GSE1: variants seen among roughly 807,000 people sequenced by gnomAD.
GSE1 encodes Gse1 coiled-coil protein.
GSE1 carries 32 observed loss-of-function variants against 112.6 expected under a neutral mutation model. The ratio of observed to expected loss-of-function variants is 0.28; its 90% CI spans 0.21 to 0.38. The LOEUF (loss-of-function observed/expected upper bound fraction) is 0.38. Ranked by LOEUF, GSE1 falls within the 10% of genes least tolerant of loss-of-function variation. The pLI is 1.00. For missense variants in GSE1, 2,348 were observed against 1,699.2 expected (o/e 1.38, Z -6.71); for synonymous variants, 1,115 against 735.6 (o/e 1.52, Z -8.35).
At chr16:85,553,624 C>T (rs1251799036), upstream of GSE1, among the ~76,000 whole-genome samples, 1 of 151,974 alleles carries the variant, frequency 6.6e-6, no homozygotes, top group Non-Finnish European at 1.5e-5. Context: ...AGGCGGCCGC[C>T]AGCACGCCGC....
intron 2 of GSE1, among the ~76,000 whole-genome samples, chr16:85,460,077 C>T (rs960124268): frequency 2.0e-5 from 3 of 152,312 alleles, no homozygotes; most frequent in Non-Finnish European, 4.4e-5. Flanking sequence ...GCCTGGCCTC[C>T]GATGAGCAAG....
chr16:85,481,833 G>A (rs2050689626), intron 2 of GSE1, among the ~76,000 whole-genome samples: 1 of 152,212 alleles, frequency 6.6e-6, no homozygotes. Context: ...GGGGCCCAGA[G>A]ATGTTATTTG....
rs74752009 is a variant in GSE1, at chr16:85,360,254, G to A, written c.2464+2611G>A. Among the ~76,000 whole-genome samples, 1,210 of 150,888 alleles carry A rather than the reference G, an allele frequency of 8.0e-3. 19 individuals carry two copies. Among genetic ancestry groups the A allele is most frequent in the African/African-American group, 0.025 (1,037 of 41,480 alleles). The stretch of plus-strand genomic sequence containing the variant: ...CGTACTAGCGGGGTACGTTGGGGGC[G>A]GGGGCCTGAGAGTCTGGGGGTGCCA... On this transcript the variant is annotated intron_variant, in intron 2 of 2. Transcript: ENST00000637419.
chr16:85,672,207 C>T (rs1294468506), intron 15 of GSE1, 198 bp from the exon 16 acceptor site: 5 of 586,732 alleles, frequency 8.5e-6, no homozygotes, highest in South Asian at 5.3e-5. Flanking sequence ...GTTGGCCAGG[C>T]TGGTCTCGAA....
chr16:85,571,543 G>A (rs925921320), intron 1 of GSE1, among the ~76,000 whole-genome samples: 3 of 152,184 alleles, frequency 2.0e-5, no homozygotes, highest in African/African-American at 7.2e-5. Flanking sequence ...TCCTCGGAGC[G>A]ATACTGGCAC....
At position 85,674,071 on chromosome 16, in the gene GSE1, AG is replaced by A; in HGVS notation, c.*1533del. 1 of 152,350 alleles carries A rather than the reference AG, an allele frequency of 6.6e-6. No individual in the cohort carries two copies. The highest frequency in any genetic ancestry group is 1.9e-4 in the East Asian group (1 of 5,184). 9.4% of individuals were successfully genotyped at this position (152,350 alleles called of 1,614,324 possible). A position where few individuals can be genotyped will look rare whatever the true frequency, so the allele number is the denominator to read the frequency against. ...GCCTATGGAGGCAGTGTTTAGATCA[AG>A]AAGGCCTCTCTTGCTCCCAAGGGCC... On this transcript the variant is annotated 3_prime_UTR_variant, in exon 16 of 16. Transcript: ENST00000253458.
intron 2 of GSE1, among the ~76,000 whole-genome samples, chr16:85,409,294 T>G: frequency 5.7e-5 from 2 of 34,826 alleles, no homozygotes; most frequent in Admixed American, 3.0e-4. Flanking sequence ...TAATCCTCAC[T>G]GTTACACTCA....
At chr16:85,343,546 C>A (rs1045162575) in intron 1 of GSE1, among the ~76,000 whole-genome samples, 5 of 152,038 alleles carry the variant, frequency 3.3e-5, no homozygotes, top group Non-Finnish European at 7.4e-5. Flanking sequence ...GCCAACAGTT[C>A]GAGATGAGCT....
chr16:85,648,431 A>AG (rs1393308903), intron 2 of GSE1, 121 bp from the exon 3 acceptor site: 2 of 601,416 alleles, frequency 3.3e-6, no homozygotes, highest in Non-Finnish European at 5.9e-6. Flanking sequence ...TGAGGCTGGT[A>AG]GACCTGGAGG....
chr16:85,644,501 T>C (rs1224431270), intron 2 of GSE1, among the ~76,000 whole-genome samples: 3 of 152,010 alleles, frequency 2.0e-5, no homozygotes, highest in African/African-American at 7.3e-5. Context: ...GGAGAGATTC[T>C]CTTAGGTGCT....
intron 1 of GSE1, among the ~76,000 whole-genome samples, chr16:85,187,843 G>T (rs2074738988): frequency 6.6e-6 from 1 of 152,228 alleles, no homozygotes; most frequent in Non-Finnish European, 1.5e-5. Flanking sequence ...GATCGCTGTG[G>T]TTATTTAGGG....
intron 1 of GSE1, among the ~76,000 whole-genome samples, chr16:85,347,360 C>T (rs1350068515): frequency 6.6e-6 from 1 of 152,190 alleles, no homozygotes; most frequent in Non-Finnish European, 1.5e-5. Context: ...GCGCTGGCCT[C>T]TCACCCTGGC....
At chr16:85,455,903 C>T (rs1230716679) in intron 2 of GSE1, among the ~76,000 whole-genome samples, 1 of 152,246 alleles carries the variant, frequency 6.6e-6, no homozygotes, top group Non-Finnish European at 1.5e-5. Flanking sequence ...CAGGGACCCA[C>T]CCCCACCTCT....
At chr16:85,320,337 T>A (rs1158975168) in intron 1 of GSE1, among the ~76,000 whole-genome samples, 2 of 152,180 alleles carry the variant, frequency 1.3e-5, no homozygotes, top group Non-Finnish European at 2.9e-5. Context: ...CCCGTTTGCC[T>A]CCTCTGAGGC....
intron 7 of GSE1, 126 bp downstream of exon 7, chr16:85,656,791 T>A (rs1253376552): frequency 7.6e-7 from 1 of 1,320,450 alleles, no homozygotes; most frequent in African/African-American, 1.5e-5. Context: ...CCTAAAAGCG[T>A]GGTGTGGCTG....
upstream of GSE1, among the ~76,000 whole-genome samples, chr16:85,612,708 T>TG (rs2048073205): frequency 9.0e-6 from 1 of 111,470 alleles, no homozygotes; most frequent in African/African-American, 3.4e-5. Flanking sequence ...ATGGGGGGGG[T>TG]GGGGCTTGGG....
intron 1 of GSE1, among the ~76,000 whole-genome samples, chr16:85,352,206 G>A (rs2046864834): frequency 6.6e-6 from 1 of 152,164 alleles, no homozygotes; most frequent in African/African-American, 2.4e-5. Flanking sequence ...TCTCCAGAAA[G>A]CACTCCAGCT....
chr16:85,624,607 A>G (rs1245950041), intron 1 of GSE1, among the ~76,000 whole-genome samples: 7 of 152,232 alleles, frequency 4.6e-5, no homozygotes, highest in Non-Finnish European at 1.5e-5. Context: ...AGCCGGCACC[A>G]TGGCCAGGAC....
At chr16:85,649,444 G>A (rs1050617070) in intron 3 of GSE1, among the ~76,000 whole-genome samples, 2 of 152,194 alleles carry the variant, frequency 1.3e-5, no homozygotes. Flanking sequence ...GGTGGGTTTT[G>A]TGTTTCTGTC....
Sources: allele counts gnomAD v4.1 joint callset (sites outside exome capture counted in the v4.1 genomes callset), GRCh38; gene constraint gnomAD v4.1.1; transcripts MANE v1.5; gene names NCBI Gene and HGNC (gene_info 2026-07-23, HGNC 2026-07-21).